GP5: variants seen among roughly 807,000 people sequenced by gnomAD.
GP5 encodes platelet glycoprotein V.
For missense variants in GP5, 755 were observed against 737.1 expected (o/e 1.02, Z -0.28); for synonymous variants, 382 against 353.9 (o/e 1.08, Z -0.89).
Position 194,397,216 on chromosome 3 carries a change from T to C in GP5, c.1067A>G (p.Asp356Gly), listed in dbSNP as rs1185586634. 1 of 1,571,384 alleles carries C rather than the reference T, an allele frequency of 6.4e-7. No individual in the cohort carries two copies. Among genetic ancestry groups the C allele is most frequent in the Non-Finnish European group, 8.6e-7 (1 of 1,166,914 alleles). Residue 356 changes from aspartate to glycine, a missense_variant, in exon 2 of 2, where the codon GAC becomes GGC. Coordinates refer to ENST00000692618, the MANE Select transcript of GP5 (RefSeq NM_004488.2). The surrounding 1 kb of genome is among the most constrained non-coding windows in gnomAD (Gnocchi z 7.2). ...LHSNGLTALP[D>G]GLLRGLGKLR... ...CTTGCCGAGGCCGCGCAGCAAGCCG[T>C]CGGGGAGGGCGGTCAGGCCGTTGGA...
chr3:194,397,656 CAG>C lies in GP5; in HGVS notation c.625_626del (p.Leu209GlyfsTer260), dbSNP rs1470581492. 5 of 1,614,138 alleles carry C rather than the reference CAG, an allele frequency of 3.1e-6. No individual in the cohort carries two copies. In the East Asian group the frequency reaches 8.9e-5, roughly 29 times the overall value. ...CCAGGCTGTTCAACAGCCCCGAATC[CAG>C]AGACACAAGGCGGTTCGAGTGGAGC... is the stretch of plus-strand genomic sequence containing the variant. ...LLLHSNRLVSLDSGLLNSLGA... is the reference protein window; with the variant it reads ...LLLHSNRLVSXDSGLLNSLGA... On this transcript the variant is annotated frameshift_variant, in exon 2 of 2. Transcript: ENST00000692618. LOFTEE classifies it low-confidence loss of function (END_TRUNC). The surrounding 1 kb of genome is among the most constrained non-coding windows in gnomAD (Gnocchi z 7.2).
In GP5 at chr3:194,397,568, C is replaced by A. The variant is rs1021936902; in HGVS notation, c.715G>T (p.Asp239Tyr). The A allele has an allele frequency of 6.2e-7, 1 of 1,614,048 alleles. No individual in the cohort carries two copies. The highest frequency in any genetic ancestry group is 1.3e-5 in the African/African-American group (1 of 75,008). The change falls in exon 2 of 2, where the codon GAC becomes TAC. Residue 239 changes from aspartate (D) to tyrosine (Y), a missense_variant. Asp to Tyr is a radical substitution (Grantham distance 160, BLOSUM62 -3). Transcript: ENST00000692618. This position sits in a 1 kb window ranked among gnomAD's most constrained non-coding sequence, Gnocchi z 7.2. ...HIRSIAPGAFDRLPNLSSLTL... is the reference protein window; with the variant it reads ...HIRSIAPGAFYRLPNLSSLTL... Reference sequence around the variant, plus strand: ...AAAGAACTGAGGTTTGGGAGCCGGTCGAAGGCCCCGGGTGCGATGGAACGG... The same window carrying A: ...AAAGAACTGAGGTTTGGGAGCCGGTAGAAGGCCCCGGGTGCGATGGAACGG...
In GP5 at chr3:194,397,192, T is replaced by C; in HGVS notation, c.1091A>G (p.Lys364Arg). ...GCGGCGCAGGGACACCTGGCGCAGC[T>C]TGCCGAGGCCGCGCAGCAAGCCGTC... ...LPDGLLRGLG[K>R]LRQVSLRRNR... The change falls in exon 2 of 2, where the codon AAG (lysine) becomes AGG (arginine). Residue 364 changes from lysine to arginine, a missense_variant. Lys to Arg is a conservative substitution (Grantham distance 26). Coordinates refer to ENST00000692618, the MANE Select transcript of GP5 (RefSeq NM_004488.2). This position sits in a 1 kb window ranked among gnomAD's most constrained non-coding sequence, Gnocchi z 7.2. The C allele has an allele frequency of 1.3e-6, 2 of 1,571,422 alleles. No individual in the cohort carries two copies. The highest frequency in any genetic ancestry group is 1.7e-6 in the Non-Finnish European group (2 of 1,166,808).
At position 194,396,743 on chromosome 3, in the gene GP5, T is replaced by C; in HGVS notation, c.1540A>G (p.Lys514Glu). 2 of 1,614,080 alleles carry C rather than the reference T, an allele frequency of 1.2e-6. No individual in the cohort carries two copies. The highest frequency in any genetic ancestry group is 1.7e-6 in the Non-Finnish European group (2 of 1,179,938). Residue 514 changes from lysine to glutamate, a missense_variant, in exon 2 of 2, where the codon AAA becomes GAA. Transcript: ENST00000692618. ...WVWAQPVTTG[K>E]GQDHSPFWGF... The stretch of plus-strand genomic sequence containing the variant: ...CAGAACGGACTATGATCTTGACCTT[T>C]GCCCGTGGTCACCGGCTGGGCCCAC...
At position 194,396,357 on chromosome 3, in the gene GP5, G is replaced by C. The variant is rs977377790; in HGVS notation, c.*243C>G. ...AGGCAGGCAACCACAGTTTACAAAC[G>C]TCAAGCTCAGTTTCCAGGAACGGGC... On this transcript the variant is annotated 3_prime_UTR_variant, in exon 2 of 2. Transcript: ENST00000692618. 1 of 443,278 alleles carries C rather than the reference G, an allele frequency of 2.3e-6. No homozygotes were observed. The highest frequency in any genetic ancestry group is 4.0e-6 in the Non-Finnish European group (1 of 248,580). 27.5% of individuals were successfully genotyped at this position (443,278 alleles called of 1,614,324 possible).
Position 194,397,079 on chromosome 3 carries a change from G to T in GP5, c.1204C>A (p.Leu402Met). ...AGAGCCCCAAACACGTCGCCAGGCA[G>T]GGTCTCCAGCTGGTTGTGGTCGAGC... Reference protein sequence around the residue: ...VQLDHNQLETLPGDVFGALPR... With the variant: ...VQLDHNQLETMPGDVFGALPR... Residue 402 changes from leucine (L) to methionine (M), a missense_variant, in exon 2 of 2, where the codon CTG becomes ATG. Coordinates refer to ENST00000692618, the MANE Select transcript of GP5 (RefSeq NM_004488.2). This position sits in a 1 kb window ranked among gnomAD's most constrained non-coding sequence, Gnocchi z 7.2. 6.3e-7 allele frequency: 1 copy of T among 1,595,676 alleles called. No homozygotes were observed.
Position 194,398,067 on chromosome 3 carries a change from G to A in GP5, c.216C>T (p.Gly72=). 1 of 1,613,936 alleles carries A rather than the reference G, an allele frequency of 6.2e-7. No individual in the cohort carries two copies. The highest frequency in any genetic ancestry group is 8.5e-7 in the Non-Finnish European group (1 of 1,179,928). Residue 72 remains glycine (G), a synonymous_variant, in exon 2 of 2, where the codon GGC becomes GGT. Coordinates refer to ENST00000692618, the MANE Select transcript of GP5 (RefSeq NM_004488.2). The part of the protein sequence containing the change: ...RGVLQSQSFS[G]MTVLQRLMIS... ...TCATGAGGCGCTGCAGGACGGTCATGCCGCTGAAGCTCTGGCTCTGCAGGA... is the reference window on the plus strand; with the variant it reads ...TCATGAGGCGCTGCAGGACGGTCATACCGCTGAAGCTCTGGCTCTGCAGGA...
At position 194,398,061 on chromosome 3, in the gene GP5, G is replaced by T. The variant is rs1232818715; in HGVS notation, c.222C>A (p.Thr74=). 1.2e-6 allele frequency: 2 copies of T among 1,613,920 alleles called. No individual in the cohort carries two copies. The highest frequency in any genetic ancestry group is 1.7e-6 in the Non-Finnish European group (2 of 1,179,904). Reference sequence around the variant, plus strand: ...CGGAGATCATGAGGCGCTGCAGGACGGTCATGCCGCTGAAGCTCTGGCTCT... The same window carrying T: ...CGGAGATCATGAGGCGCTGCAGGACTGTCATGCCGCTGAAGCTCTGGCTCT... The part of the protein sequence containing the change: ...VLQSQSFSGM[T]VLQRLMISDS... The change falls in exon 2 of 2, where the codon ACC becomes ACA. Residue 74 remains threonine, a synonymous_variant. Coordinates refer to ENST00000692618, the MANE Select transcript of GP5 (RefSeq NM_004488.2).
At position 194,397,340 on chromosome 3, in the gene GP5, G is replaced by T; in HGVS notation, c.943C>A (p.Arg315Ser). The change falls in exon 2 of 2, where the codon CGC (arginine) becomes AGC (serine). Residue 315 changes from arginine (R) to serine (S), a missense_variant. Coordinates refer to ENST00000692618, the MANE Select transcript of GP5 (RefSeq NM_004488.2). This position sits in a 1 kb window ranked among gnomAD's most constrained non-coding sequence, Gnocchi z 7.2. ...LPAAAFRNLS[R>S]LRYLGVTLSP... ...AGAGTCACCCCTAAGTACCGCAGGC[G>T]GCTCAGGTTGCGGAAGGCGGCGGCG... 6.2e-7 allele frequency: 1 copy of T among 1,601,000 alleles called. No homozygotes were observed. Among genetic ancestry groups the T allele is most frequent in the Non-Finnish European group, 8.5e-7 (1 of 1,177,736 alleles).
rs767073211 is a variant in GP5 at position 194,398,096 on chromosome 3, C to G, written c.187G>C (p.Gly63Arg). Residue 63 changes from glycine to arginine, a missense_variant, in exon 2 of 2, where the codon GGC becomes CGC. Gly to Arg is a moderately radical substitution (Grantham distance 125). Transcript: ENST00000692618. Reference protein sequence around the residue: ...THILLFGMGRGVLQSQSFSGM... With the variant: ...THILLFGMGRRVLQSQSFSGM... Reference sequence around the variant, plus strand: ...CTGAAGCTCTGGCTCTGCAGGACGCCGCGGCCCATTCCGAAGAGCAGGATG... The same window carrying G: ...CTGAAGCTCTGGCTCTGCAGGACGCGGCGGCCCATTCCGAAGAGCAGGATG... 1.9e-6 allele frequency: 3 copies of G among 1,613,794 alleles called. No individual in the cohort carries two copies. The highest frequency in any genetic ancestry group is 2.5e-6 in the Non-Finnish European group (3 of 1,179,920).
In GP5 at chr3:194,397,365, G is replaced by T. The variant is rs934814364; in HGVS notation, c.918C>A (p.Pro306=). The T allele has an allele frequency of 4.4e-6, 7 of 1,606,448 alleles. No individual in the cohort carries two copies. The highest frequency in any genetic ancestry group is 5.9e-6 in the Non-Finnish European group (7 of 1,178,578). ...GGCTCAGGTTGCGGAAGGCGGCGGC[G>T]GGCAGGGTGCGCAGCTGGGTGCGGT... ...WLNRTQLRTL[P]AAAFRNLSRL... is the part of the protein sequence containing the mutation. Residue 306 remains proline, a synonymous_variant, in exon 2 of 2, where the codon CCC becomes CCA. Coordinates refer to ENST00000692618, the MANE Select transcript of GP5 (RefSeq NM_004488.2). This position sits in a 1 kb window ranked among gnomAD's most constrained non-coding sequence, Gnocchi z 7.2.
Position 194,396,415 on chromosome 3 carries a change from T to G in GP5, c.*185A>C. 2 of 525,598 alleles carry G rather than the reference T, an allele frequency of 3.8e-6. No individual in the cohort carries two copies. Among genetic ancestry groups the G allele is most frequent in the Non-Finnish European group, 6.7e-6 (2 of 298,740 alleles). The allele number at this position is 525,598 out of a possible 1,614,324, so 32.6% of individuals were successfully genotyped here. On this transcript the variant is annotated 3_prime_UTR_variant, in exon 2 of 2. Transcript: ENST00000692618. ...ACAGAGAGGAGGGGTTGCGGGCCTG[T>G]GAGAATGAAGAGCACAGAGCGGAGA...
Position 194,398,100 on chromosome 3 carries a change from G to A in GP5, c.183C>T (p.Gly61=). Residue 61 remains glycine (G), a synonymous_variant, in exon 2 of 2, where the codon GGC becomes GGT. Transcript: ENST00000692618. ...AGCTCTGGCTCTGCAGGACGCCGCG[G>A]CCCATTCCGAAGAGCAGGATGTGCG... ...NLTHILLFGM[G]RGVLQSQSFS... 3.7e-6 allele frequency: 6 copies of A among 1,613,654 alleles called. No individual in the cohort carries two copies. Among genetic ancestry groups the A allele is most frequent in the Non-Finnish European group, 5.1e-6 (6 of 1,179,838 alleles).
chr3:194,396,808 A>C lies in GP5; in HGVS notation c.1475T>G (p.Val492Gly). Residue 492 changes from valine (V) to glycine (G), a missense_variant, in exon 2 of 2, where the codon GTC becomes GGC. Coordinates refer to ENST00000692618, the MANE Select transcript of GP5 (RefSeq NM_004488.2). ...GCTGTTGGGAGCCAAGGCTGGGTGG[A>C]CAGGGGCTTCCGAGGAGCTGTCCGC... ...PAADSSSEAP[V>G]HPALAPNSSE... 6.2e-7 allele frequency: 1 copy of C among 1,607,642 alleles called. No homozygotes were observed. The highest frequency in any genetic ancestry group is 8.5e-7 in the Non-Finnish European group (1 of 1,176,948).
chr3:194,397,227 G>T lies in GP5; in HGVS notation c.1056C>A (p.Thr352=). The T allele has an allele frequency of 6.4e-7, 1 of 1,573,624 alleles. No individual in the cohort carries two copies. Among genetic ancestry groups the T allele is most frequent in the East Asian group, 2.3e-5 (1 of 43,330 alleles). ...QVLALHSNGL[T]ALPDGLLRGL... The stretch of plus-strand genomic sequence containing the variant: ...CGCGCAGCAAGCCGTCGGGGAGGGC[G>T]GTCAGGCCGTTGGAGTGCAGGGCGA... The change falls in exon 2 of 2, where the codon ACC becomes ACA. Residue 352 remains threonine (T), a synonymous_variant. Transcript: ENST00000692618. The surrounding 1 kb of genome is among the most constrained non-coding windows in gnomAD (Gnocchi z 7.2).
rs1240073143 is a variant in GP5, at chr3:194,399,239, T to C, written c.-4A>G. ...AATGTTTAAAATATTTGGCCTTACC[T>C]GAAATGGTTCTGCACTCCAAAGTAA... On this transcript the variant is annotated splice_region_variant and 5_prime_UTR_variant, in exon 1 of 2. Transcript: ENST00000692618. Among the ~76,000 whole-genome samples the C allele has an allele frequency of 6.6e-6, 1 of 152,206 alleles. No individual in the cohort carries two copies. Among genetic ancestry groups the C allele is most frequent in the Non-Finnish European group, 1.5e-5 (1 of 68,032 alleles).
chr3:194,397,629 G>A lies in GP5; in HGVS notation c.654C>T (p.Gly218=), dbSNP rs756533140. ...SLDSGLLNSL[G]ALTELQFHRN... is the part of the protein sequence containing the mutation. The stretch of plus-strand genomic sequence containing the variant: ...GGTGGAACTGCAGCTCCGTCAGGGC[G>A]CCCAGGCTGTTCAACAGCCCCGAAT... Residue 218 remains glycine, a synonymous_variant, in exon 2 of 2, where the codon GGC becomes GGT. Transcript: ENST00000692618. This position sits in a 1 kb window ranked among gnomAD's most constrained non-coding sequence, Gnocchi z 7.2. 2.5e-6 allele frequency: 4 copies of A among 1,613,932 alleles called. No homozygotes were observed. In the African/African-American group the frequency reaches 5.3e-5, roughly 22 times the overall value.
At position 194,395,014 on chromosome 3, in the gene GP5, A is replaced by G. The variant is rs1430841860; in HGVS notation, c.*1586T>C. On this transcript the variant is annotated 3_prime_UTR_variant, in exon 2 of 2. Coordinates refer to ENST00000692618, the MANE Select transcript of GP5 (RefSeq NM_004488.2). ...TGCCAATAATAATTGCTCATCCTTT[A>G]GTAATAATAGCTAACATTCATTAAC... The G allele has an allele frequency of 6.6e-6, 1 of 152,258 alleles. No homozygotes were observed. The highest frequency in any genetic ancestry group is 2.4e-5 in the African/African-American group (1 of 41,466). 9.4% of individuals were successfully genotyped at this position (152,258 alleles called of 1,614,324 possible). A position where few individuals can be genotyped will look rare whatever the true frequency, so the allele number is the denominator to read the frequency against.
Position 194,397,403 on chromosome 3 carries a change from C to A in GP5, c.880G>T (p.Glu294Ter). The A allele has an allele frequency of 6.2e-7, 1 of 1,612,742 alleles. No homozygotes were observed. ...AGCTGGGTGCGGTTCAGCCACAGCT[C>A]CTGCAGGCCCCCCATCTCCCCGAAG... is the stretch of plus-strand genomic sequence containing the variant. ...VLFGEMGGLQ[E>*]LWLNRTQLRT... Residue 294 changes from glutamate to a stop codon, truncating the protein, a stop_gained, in exon 2 of 2, where the codon GAG (glutamate) becomes TAG (stop). Coordinates refer to ENST00000692618, the MANE Select transcript of GP5 (RefSeq NM_004488.2). LOFTEE classifies it low-confidence loss of function (END_TRUNC). This position sits in a 1 kb window ranked among gnomAD's most constrained non-coding sequence, Gnocchi z 7.2.
Sources: gnomAD v4.1 joint callset for allele counts (sites outside exome capture counted in the v4.1 genomes callset) on GRCh38, gnomAD v4.1.1 for gene constraint, Gnocchi (gnomAD v3.1) non-coding constraint, MANE v1.5 for transcripts, NCBI Gene and HGNC (gene_info 2026-07-23, HGNC 2026-07-21) for gene names.